COL14A1: variants seen among roughly 807,000 people sequenced by gnomAD.
COL14A1 encodes collagen alpha-1(XIV) chain.
COL14A1 carries 136 observed loss-of-function variants against 230.3 expected under a neutral mutation model. The ratio of observed to expected loss-of-function variants is 0.59; its 90% confidence interval spans 0.51 to 0.68. The LOEUF (loss-of-function observed/expected upper bound fraction) is 0.68. COL14A1 is among the 30% of genes least tolerant of loss of function. COL14A1 has a pLI of 0.00. For missense variants in COL14A1, 1,976 were observed against 2,215.8 expected (o/e 0.89, Z 2.17); for synonymous variants, 792 against 784.1 (o/e 1.01, Z -0.17).
intron 40 of COL14A1, among the ~76,000 whole-genome samples, chr8:120,325,823 T>G (rs1007033535): frequency 4.6e-5 from 7 of 152,072 alleles, no homozygotes; most frequent in Non-Finnish European, 8.8e-5. Context: ...GGATGCTTAA[T>G]CTCTAAACAC....
intron 22 of COL14A1, among the ~76,000 whole-genome samples, chr8:120,253,590 A>G (rs1819044748): frequency 6.6e-6 from 1 of 152,188 alleles, no homozygotes; most frequent in African/African-American, 2.4e-5. Context: ...TTTTAAAAAT[A>G]TTTTGTGTGG....
At chr8:120,251,269 T>C (rs922510194) in intron 22 of COL14A1, among the ~76,000 whole-genome samples, 2 of 152,212 alleles carry the variant, frequency 1.3e-5, no homozygotes, top group South Asian at 2.1e-4. Flanking sequence ...ATAGACTTGA[T>C]GATTGCAGAT....
chr8:120,183,788 G>A (rs73704293), intron 5 of COL14A1, among the ~76,000 whole-genome samples: 2,084 of 152,230 alleles, frequency 0.014, 44 homozygotes, highest in African/African-American at 0.046. Context: ...AAATGCGTAC[G>A]GCTTTGATTT....
intron 36 of COL14A1, among the ~76,000 whole-genome samples, chr8:120,306,166 A>G (rs181512919): frequency 2.6e-5 from 4 of 152,244 alleles, no homozygotes; most frequent in Admixed American, 2.0e-4. Flanking sequence ...TTGGTACTTA[A>G]GAATAGAGTT....
At chr8:120,256,029 A>T (rs1016962074) in intron 23 of COL14A1, among the ~76,000 whole-genome samples, 1 of 152,164 alleles carries the variant, frequency 6.6e-6, no homozygotes, top group African/African-American at 2.4e-5. Flanking sequence ...TCTTTTCCCA[A>T]CATCAGCATG....
intron 37 of COL14A1, among the ~76,000 whole-genome samples, chr8:120,312,587 T>C (rs1215193267): frequency 6.6e-6 from 1 of 152,196 alleles, no homozygotes; most frequent in Non-Finnish European, 1.5e-5. Context: ...TATCATCTCA[T>C]TTTTATCCAC....
At chr8:120,209,262 G>A (rs1224387836) in intron 11 of COL14A1, among the ~76,000 whole-genome samples, 2 of 152,182 alleles carry the variant, frequency 1.3e-5, no homozygotes, top group Non-Finnish European at 2.9e-5. Flanking sequence ...CCCAGCTTGT[G>A]AGGCTGAGGT....
At chr8:120,135,544 G>A (rs1327676722) in intron 1 of COL14A1, among the ~76,000 whole-genome samples, 1 of 152,152 alleles carries the variant, frequency 6.6e-6, no homozygotes, top group Non-Finnish European at 1.5e-5. Context: ...GATTACAGGT[G>A]TGAGCCCTGT....
At chr8:120,182,503 G>GCCAGA (rs779581404) in intron 5 of COL14A1, among the ~76,000 whole-genome samples, 53 of 152,084 alleles carry the variant, frequency 3.5e-4, no homozygotes, top group Non-Finnish European at 6.8e-4. Context: ...AATGACCAAA[G>GCCAGA]TAAACATACA....
chr8:120,299,620 C>T (rs185103270), intron 35 of COL14A1, among the ~76,000 whole-genome samples: 1 of 152,132 alleles, frequency 6.6e-6, no homozygotes, highest in Admixed American at 6.6e-5. Flanking sequence ...CTACAGGTGG[C>T]CTGTTGTTAG....
rs555613254 is a variant in COL14A1 at position 120,371,353 on chromosome 8, T to C, written c.*122T>C. 1.4e-5 allele frequency: 7 copies of C among 512,284 alleles called. No individual in the cohort carries two copies. The highest frequency in any genetic ancestry group is 2.1e-5 in the Non-Finnish European group (6 of 292,372). 31.7% of individuals were successfully genotyped at this position (512,284 alleles called of 1,614,324 possible). A position where few individuals can be genotyped will look rare whatever the true frequency, so the allele number is the denominator to read the frequency against. On this transcript the variant is annotated 3_prime_UTR_variant, in exon 48 of 48. Coordinates refer to ENST00000297848, the MANE Select transcript of COL14A1 (RefSeq NM_021110.4). ...GCAGGGCTCATTTCAGCAGCCTAAA[T>C]CTCCTCCTTGGATAATGTTAATATT... is the stretch of plus-strand genomic sequence containing the variant.
At chr8:120,285,171 C>T (rs559840065) in intron 32 of COL14A1, among the ~76,000 whole-genome samples, 153 of 151,840 alleles carry the variant, frequency 1.0e-3, no homozygotes, top group African/African-American at 3.5e-3. Flanking sequence ...GACAAAGGGC[C>T]GGCCAGGCAC....
At chr8:120,365,890 G>A (rs987530847) in intron 45 of COL14A1, among the ~76,000 whole-genome samples, 2 of 152,178 alleles carry the variant, frequency 1.3e-5, no homozygotes, top group African/African-American at 4.8e-5. Flanking sequence ...ATGACTCCTA[G>A]TAAAGAAGAA....
chr8:120,185,448 A>G (rs1385806990), intron 5 of COL14A1, among the ~76,000 whole-genome samples: 2 of 152,194 alleles, frequency 1.3e-5, no homozygotes, highest in African/African-American at 4.8e-5. Flanking sequence ...TGAGCCCAGG[A>G]GTTCGAGACC....
At chr8:120,231,349 A>T (rs1159274602) in intron 18 of COL14A1, 118 bp from the exon 19 acceptor site, 2 of 1,086,292 alleles carry the variant, frequency 1.8e-6, no homozygotes, top group South Asian at 1.6e-5. Flanking sequence ...CTCATATACA[A>T]CTATATTACA....
intron 9 of COL14A1, 134 bp downstream of exon 9, chr8:120,204,004 C>CA (rs1336792480): frequency 7.6e-6 from 6 of 788,848 alleles, no homozygotes; most frequent in African/African-American, 3.5e-5. Flanking sequence ...CCTGAGCCGT[C>CA]AGAGTAGAAA....
intron 40 of COL14A1, among the ~76,000 whole-genome samples, chr8:120,329,705 T>G (rs1244776366): frequency 6.6e-6 from 1 of 152,206 alleles, no homozygotes; most frequent in Non-Finnish European, 1.5e-5. Context: ...CAAAGTAATC[T>G]GTATCAGGGT....
chr8:120,350,926 G>C (rs1317865376), intron 45 of COL14A1, among the ~76,000 whole-genome samples: 1 of 150,418 alleles, frequency 6.6e-6, no homozygotes, highest in African/African-American at 2.4e-5. Flanking sequence ...CAAATCAACA[G>C]AATATACATT....
rs1182839799 is a variant in COL14A1 at position 120,280,936 on chromosome 8, A to G, written c.3701A>G (p.Glu1234Gly). 1.9e-6 allele frequency: 3 copies of G among 1,599,832 alleles called. No individual in the cohort carries two copies. In the Admixed American group the frequency reaches 5.2e-5, roughly 28 times the overall value. Residue 1234 changes from glutamate (E) to glycine (G), a missense_variant, in exon 31 of 48, where the codon GAA (glutamate) becomes GGA (glycine). Physicochemically the swap from Glu to Gly is moderately conservative, Grantham distance 98 (BLOSUM62 -2). Coordinates refer to ENST00000297848, the MANE Select transcript of COL14A1 (RefSeq NM_021110.4). ...TTTTTTTTAGGATTTAAGATGATGG[A>G]AATGTTTGGTTTGGTTGAAAAAGAT... ...GIDLAGFKMM[E>G]MFGLVEKDFS...
Sources: gnomAD v4.1 joint callset for allele counts (sites outside exome capture counted in the v4.1 genomes callset) on GRCh38, gnomAD v4.1.1 for gene constraint, MANE v1.5 for transcripts, NCBI Gene and HGNC (gene_info 2026-07-23, HGNC 2026-07-21) for gene names.